USP17L2: variants seen among roughly 807,000 people sequenced by gnomAD.
USP17L2 encodes ubiquitin carboxyl-terminal hydrolase 17.
Under a neutral mutation model 39.8 loss-of-function variants are expected in USP17L2, and 29 were observed. That is an observed-to-expected ratio of 0.73 (90% CI 0.54 to 0.99). The LOEUF (loss-of-function observed/expected upper bound fraction) is 0.99, where lower values mean the gene tolerates loss of function less well. Among genes scored for constraint, USP17L2 ranks in the 50% least tolerant of loss-of-function variants. USP17L2 has a pLI of 0.00. For synonymous variants in USP17L2, 231 were observed against 252.7 expected, an observed-to-expected ratio of 0.91 and a Z score of 0.81; for missense variants, 567 against 647.2, an observed-to-expected ratio of 0.88 and a Z score of 1.35.
rs1161696576 is a variant in USP17L2 at position 12,137,817 on chromosome 8, A to G, written c.944T>C (p.Leu315Pro). Residue 315 changes from leucine to proline, a missense_variant, in exon 1 of 1, where the codon CTT becomes CCT. Around this residue, in one of 6 missense-constraint regions of USP17L2, gnomAD observed 65 missense variants for 84.8 expected, o/e 0.77. Transcript: ENST00000333796. Reference sequence around the variant, plus strand: ...CAGCACAGCATAGAGGACATAGACAAGAGGTCCTGTGTTCTGCTGAGACAT... The same window carrying G: ...CAGCACAGCATAGAGGACATAGACAGGAGGTCCTGTGTTCTGCTGAGACAT... ...PYMSQQNTGP[L>P]VYVLYAVLVH... 2 of 1,473,972 alleles carry G rather than the reference A, an allele frequency of 1.4e-6. No individual in the cohort carries two copies. Among genetic ancestry groups the G allele is most frequent in the Non-Finnish European group, 1.8e-6 (2 of 1,081,546 alleles). The allele number at this position is 1,473,972 out of a possible 1,614,324, so 91.3% of individuals were successfully genotyped here.
chr8:12,138,380 A>G lies in USP17L2; in HGVS notation c.381T>C (p.Thr127=), dbSNP rs367894493. 236 of 1,482,678 alleles carry G rather than the reference A, an allele frequency of 1.6e-4. 5 individuals are homozygous for G. The African/African-American group carries it at 2.7e-3, about 17-fold the overall frequency. 91.8% of individuals were successfully genotyped at this position (1,482,678 alleles called of 1,614,324 possible). Residue 127 remains threonine, a synonymous_variant, in exon 1 of 1, where the codon ACT becomes ACC. Coordinates refer to ENST00000333796, the MANE Select transcript of USP17L2 (RefSeq NM_201402.3). ...CQRPKCCMLC[T]MQAHITWALH... Reference sequence around the variant, plus strand: ...GGGCCCATGTGATGTGAGCTTGCATAGTACAGAGCATGCAGCACTTGGGAC... The same window carrying G: ...GGGCCCATGTGATGTGAGCTTGCATGGTACAGAGCATGCAGCACTTGGGAC...
rs752196507 is a variant in USP17L2, at chr8:12,138,335, G to T, written c.426C>A (p.Val142=). Residue 142 remains valine (V), a synonymous_variant, in exon 1 of 1, where the codon GTC becomes GTA. Coordinates refer to ENST00000333796, the MANE Select transcript of USP17L2 (RefSeq NM_201402.3). The part of the protein sequence containing the change: ...ITWALHSPGH[V]IQPSQALAAG... Reference sequence around the variant, plus strand: ...CAGCCAATGCCTGTGAGGGCTGGATGACATGACCAGGACTGTGGAGGGCCC... The same window carrying T: ...CAGCCAATGCCTGTGAGGGCTGGATTACATGACCAGGACTGTGGAGGGCCC... 1.6e-5 allele frequency: 25 copies of T among 1,520,084 alleles called. 2 individuals are homozygous for T. The highest frequency in any genetic ancestry group is 8.6e-5 in the South Asian group (7 of 81,214). 94.2% of individuals were successfully genotyped at this position (1,520,084 alleles called of 1,614,324 possible). A position where few individuals can be genotyped will look rare whatever the true frequency, so the allele number is the denominator to read the frequency against.
At position 12,137,531 on chromosome 8, in the gene USP17L2, T is replaced by G; in HGVS notation, c.1230A>C (p.Arg410Ser). Residue 410 changes from arginine to serine, a missense_variant, in exon 1 of 1, where the codon AGA becomes AGC. Physicochemically the swap from Arg to Ser is moderately radical, Grantham distance 110. This residue lies in a region of USP17L2 where 304 missense variants were observed against 254.7 expected (regional missense o/e 1.19). Transcript: ENST00000333796. ...CGGGTGCCTGGAGGCAGGGGTGGTCTCTCTTGAGCTCTCCTTGCGTTGCTC... is the reference window on the plus strand; with the variant it reads ...CGGGTGCCTGGAGGCAGGGGTGGTCGCTCTTGAGCTCTCCTTGCGTTGCTC... Reference protein sequence around the residue: ...DRRATQGELKRDHPCLQAPEL... With the variant: ...DRRATQGELKSDHPCLQAPEL... The G allele has an allele frequency of 6.5e-7, 1 of 1,533,046 alleles. No homozygotes were observed. Among genetic ancestry groups the G allele is most frequent in the Non-Finnish European group, 8.8e-7 (1 of 1,135,098 alleles). 95.0% of individuals were successfully genotyped at this position (1,533,046 alleles called of 1,614,324 possible).
chr8:12,138,538 G>A lies in USP17L2; in HGVS notation c.223C>T (p.Pro75Ser), dbSNP rs1176798467. Residue 75 changes from proline (P) to serine (S), a missense_variant, in exon 1 of 1, where the codon CCT becomes TCT. Transcript: ENST00000333796. ...TGGAGCCCAGCCCCCACCGCAGCAG[G>A]TCTCCTGCTACTCAGAGGAAGCTTC... The part of the protein sequence containing the change: ...RKKLPLSSRR[P>S]AAVGAGLQNM... 2.6e-6 allele frequency: 4 copies of A among 1,534,220 alleles called. No homozygotes were observed. The African/African-American group carries it at 4.4e-5, about 17-fold the overall frequency.
chr8:12,136,926 C>T lies in USP17L2; in HGVS notation c.*242G>A, dbSNP rs11777425. On this transcript the variant is annotated 3_prime_UTR_variant, in exon 1 of 1. Coordinates refer to ENST00000333796, the MANE Select transcript of USP17L2 (RefSeq NM_201402.3). ...CACACAGACAGTCTCTCCAGAGGTT[C>T]GGAAGACTCACGACCCCAAAACTTG... is the stretch of plus-strand genomic sequence containing the variant. 0.43 allele frequency among the ~76,000 whole-genome samples: 58,783 copies of T among 136,310 alleles called. 11,939 individuals are homozygous for T. The highest frequency in any genetic ancestry group is 0.5 in the Admixed American group (6,827 of 13,538). The allele number at this position is 136,310 out of a possible 152,430, so 89.4% of individuals were successfully genotyped here.
chr8:12,138,661 G>A lies in USP17L2; in HGVS notation c.100C>T (p.Arg34Trp), dbSNP rs560363673. The A allele has an allele frequency of 1.2e-4, 184 of 1,520,754 alleles. 16 individuals carry two copies. Among genetic ancestry groups the A allele is most frequent in the Middle Eastern group, 9.8e-4 (4 of 4,070 alleles). The allele number at this position is 1,520,754 out of a possible 1,614,324, so 94.2% of individuals were successfully genotyped here. ...GGTGACTTCTCAGGGAGAGAAGTCC[G>A]CTGGATTTCAGCAAAAGCTGCATCT... ...RPDAAFAEIQ[R>W]TSLPEKSPLS... The change falls in exon 1 of 1, where the codon CGG becomes TGG. Residue 34 changes from arginine (R) to tryptophan (W), a missense_variant. By Grantham distance (101) the Arg-to-Trp change is moderately radical. Coordinates refer to ENST00000333796, the MANE Select transcript of USP17L2 (RefSeq NM_201402.3).
chr8:12,138,690 C>A lies in USP17L2; in HGVS notation c.71G>T (p.Arg24Leu), dbSNP rs527934496. The A allele has an allele frequency of 2.0e-6, 3 of 1,476,268 alleles. 1 individual carries two copies. Among genetic ancestry groups the A allele is most frequent in the East Asian group, 5.2e-5 (2 of 38,114 alleles). The allele number at this position is 1,476,268 out of a possible 1,614,324, so 91.4% of individuals were successfully genotyped here. ...FNHFSKLTSSRPDAAFAEIQR... is the reference protein window; with the variant it reads ...FNHFSKLTSSLPDAAFAEIQR... ...GATTTCAGCAAAAGCTGCATCTGGC[C>A]GAGAAGATGTGAGTTTTGAAAAGTG... Residue 24 changes from arginine (R) to leucine (L), a missense_variant, in exon 1 of 1, where the codon CGG becomes CTG. This residue lies in a region of USP17L2 where 120 missense variants were observed against 111.0 expected (regional missense o/e 1.08). Coordinates refer to ENST00000333796, the MANE Select transcript of USP17L2 (RefSeq NM_201402.3).
Position 12,137,473 on chromosome 8 carries a change from G to C in USP17L2, c.1288C>G (p.Gln430Glu), listed in dbSNP as rs760370198. The C allele has an allele frequency of 6.5e-6, 10 of 1,532,614 alleles. No individual in the cohort carries two copies. The highest frequency in any genetic ancestry group is 8.8e-6 in the Non-Finnish European group (10 of 1,135,158). The allele number at this position is 1,532,614 out of a possible 1,614,324, so 94.9% of individuals were successfully genotyped here. A position where few individuals can be genotyped will look rare whatever the true frequency, so the allele number is the denominator to read the frequency against. Residue 430 changes from glutamine (Q) to glutamate (E), a missense_variant, in exon 1 of 1, where the codon CAG becomes GAG. Around this residue, in one of 6 missense-constraint regions of USP17L2, gnomAD observed 304 missense variants for 254.7 expected, o/e 1.19. Transcript: ENST00000333796. ...TTCCAGTGGTCTAAGGTGCTTTCCT[G>C]AGTGGCTCTTTCCACCAAGCGCTCG... Reference protein sequence around the residue: ...LDERLVERATQESTLDHWKFP... With the variant: ...LDERLVERATEESTLDHWKFP...
chr8:12,137,348 G>C, the USP17L2 span: 96 of 1,531,516 alleles, frequency 6.3e-5, 9 homozygotes, highest in Non-Finnish European at 7.7e-5. Flanking sequence ...TCCCACACTT[G>C]TATTTCGATT....
rs1224774648 is a variant in USP17L2, at chr8:12,137,645, G to A, written c.1116C>T (p.Tyr372=). ...VLSQQAYVLF[Y]IQKSEWERHS... ...GTCTTTCCCATTCACTCTTCTGGATGTAAAAGAGGACATAGGCCTGTTGAC... is the reference window on the plus strand; with the variant it reads ...GTCTTTCCCATTCACTCTTCTGGATATAAAAGAGGACATAGGCCTGTTGAC... Residue 372 remains tyrosine (Y), a synonymous_variant, in exon 1 of 1, where the codon TAC becomes TAT. Coordinates refer to ENST00000333796, the MANE Select transcript of USP17L2 (RefSeq NM_201402.3). 2 of 1,527,422 alleles carry A rather than the reference G, an allele frequency of 1.3e-6. No homozygotes were observed. Among genetic ancestry groups the A allele is most frequent in the East Asian group, 2.6e-5 (1 of 38,440 alleles). 94.6% of individuals were successfully genotyped at this position (1,527,422 alleles called of 1,614,324 possible).
Position 12,138,513 on chromosome 8 carries a change from T to C in USP17L2, c.248A>G (p.Gln83Arg), listed in dbSNP as rs373539693. 3,130 of 1,537,408 alleles carry C rather than the reference T, an allele frequency of 2.0e-3. 198 individuals are homozygous for C. In the African/African-American group the frequency reaches 0.038, roughly 19 times the overall value. The change falls in exon 1 of 1, where the codon CAG becomes CGG. Residue 83 changes from glutamine to arginine, a missense_variant. Transcript: ENST00000333796. The stretch of plus-strand genomic sequence containing the variant: ...CTCGTAGCAGGTATTTCCCATATTC[T>C]GGAGCCCAGCCCCCACCGCAGCAGG... ...RRPAAVGAGL[Q>R]NMGNTCYENA...
chr8:12,137,987 G>A lies in USP17L2; in HGVS notation c.774C>T (p.Leu258=). The A allele has an allele frequency of 1.3e-6, 2 of 1,491,960 alleles. No individual in the cohort carries two copies. The highest frequency in any genetic ancestry group is 2.5e-5 in the South Asian group (2 of 80,938). The allele number at this position is 1,491,960 out of a possible 1,614,324, so 92.4% of individuals were successfully genotyped here. Reference sequence around the variant, plus strand: ...ACGTCTTGGAGGCCGGCGCCCTCTGGAGACAAAGACCGCAATGATAGGCAT... The same window carrying A: ...ACGTCTTGGAGGCCGGCGCCCTCTGAAGACAAAGACCGCAATGATAGGCAT... ...GENAYHCGLC[L]QRAPASKTLT... is the part of the protein sequence containing the mutation. The change falls in exon 1 of 1, where the codon CTC becomes CTT. Residue 258 remains leucine, a synonymous_variant. Coordinates refer to ENST00000333796, the MANE Select transcript of USP17L2 (RefSeq NM_201402.3).
chr8:12,137,556 C>G lies in USP17L2; in HGVS notation c.1205G>C (p.Arg402Pro), dbSNP rs267601744. Residue 402 changes from arginine (R) to proline (P), a missense_variant, in exon 1 of 1, where the codon CGA becomes CCA. Physicochemically the swap from Arg to Pro is moderately radical, Grantham distance 103. Around this residue, in one of 6 missense-constraint regions of USP17L2, gnomAD observed 304 missense variants for 254.7 expected, o/e 1.19. Coordinates refer to ENST00000333796, the MANE Select transcript of USP17L2 (RefSeq NM_201402.3). ...RALGAEDTDR[R>P]ATQGELKRDH... Reference sequence around the variant, plus strand: ...TCTCTTGAGCTCTCCTTGCGTTGCTCGCCTGTCTGTGTCTTCAGCGCCGAG... The same window carrying G: ...TCTCTTGAGCTCTCCTTGCGTTGCTGGCCTGTCTGTGTCTTCAGCGCCGAG... 1.2e-4 allele frequency: 187 copies of G among 1,532,468 alleles called. 16 individuals carry two copies. Among genetic ancestry groups the G allele is most frequent in the Middle Eastern group, 5.6e-4 (3 of 5,404 alleles). The allele number at this position is 1,532,468 out of a possible 1,614,324, so 94.9% of individuals were successfully genotyped here.
chr8:12,138,538 G>T lies in USP17L2; in HGVS notation c.223C>A (p.Pro75Thr), dbSNP rs1176798467. The T allele has an allele frequency of 2.6e-6, 4 of 1,534,310 alleles. 1 individual carries two copies. The highest frequency in any genetic ancestry group is 2.4e-5 in the South Asian group (2 of 82,184). Residue 75 changes from proline to threonine, a missense_variant, in exon 1 of 1, where the codon CCT becomes ACT. Pro to Thr is a conservative substitution (Grantham distance 38, BLOSUM62 -1). Around this residue, in one of 6 missense-constraint regions of USP17L2, gnomAD observed 120 missense variants for 111.0 expected, o/e 1.08. Transcript: ENST00000333796. ...RKKLPLSSRR[P>T]AAVGAGLQNM... ...TGGAGCCCAGCCCCCACCGCAGCAG[G>T]TCTCCTGCTACTCAGAGGAAGCTTC...
In USP17L2 at chr8:12,137,545, C is replaced by T. The variant is rs773564016; in HGVS notation, c.1216G>A (p.Gly406Arg). The T allele has an allele frequency of 1.3e-6, 2 of 1,533,184 alleles. 1 individual carries two copies. The highest frequency in any genetic ancestry group is 1.8e-6 in the Non-Finnish European group (2 of 1,135,042). 95.0% of individuals were successfully genotyped at this position (1,533,184 alleles called of 1,614,324 possible). ...AEDTDRRATQ[G>R]ELKRDHPCLQ... ...CAGGGGTGGTCTCTCTTGAGCTCTC[C>T]TTGCGTTGCTCGCCTGTCTGTGTCT... Residue 406 changes from glycine (G) to arginine (R), a missense_variant, in exon 1 of 1, where the codon GGA becomes AGA. Gly to Arg is a moderately radical substitution (Grantham distance 125). This residue lies in a region of USP17L2 where 304 missense variants were observed against 254.7 expected (regional missense o/e 1.19). Coordinates refer to ENST00000333796, the MANE Select transcript of USP17L2 (RefSeq NM_201402.3).
Position 12,137,241 on chromosome 8 carries a change from G to C in USP17L2, c.1520C>G (p.Ser507Cys), listed in dbSNP as rs753663891. 6.5e-7 allele frequency: 1 copy of C among 1,530,454 alleles called. No individual in the cohort carries two copies. Among genetic ancestry groups the C allele is most frequent in the Middle Eastern group, 2.4e-4 (1 of 4,120 alleles). The allele number at this position is 1,530,454 out of a possible 1,614,324, so 94.8% of individuals were successfully genotyped here. A position where few individuals can be genotyped will look rare whatever the true frequency, so the allele number is the denominator to read the frequency against. The change falls in exon 1 of 1, where the codon TCT becomes TGT. Residue 507 changes from serine to cysteine, a missense_variant. This residue lies in a region of USP17L2 where 304 missense variants were observed against 254.7 expected (regional missense o/e 1.19). Coordinates refer to ENST00000333796, the MANE Select transcript of USP17L2 (RefSeq NM_201402.3). ...GGATCTCCTGGTCCTCCCTTGCAGA[G>C]AAGCGAGGGTGCCAGTGTTCACGGA... ...QESVNTGTLA[S>C]LQGRTRRSKG...
chr8:12,137,065 G>C lies in USP17L2; in HGVS notation c.*103C>G. 4 of 1,311,574 alleles carry C rather than the reference G, an allele frequency of 3.0e-6. No individual in the cohort carries two copies. The highest frequency in any genetic ancestry group is 5.5e-5 in the East Asian group (2 of 36,198). The allele number at this position is 1,311,574 out of a possible 1,614,324, so 81.2% of individuals were successfully genotyped here. A position where few individuals can be genotyped will look rare whatever the true frequency, so the allele number is the denominator to read the frequency against. ...ACTTTATGTAGGATTGACGGTGTTC[G>C]TGTTTGTGTGTGTGTGTGTGTTTGC... On this transcript the variant is annotated 3_prime_UTR_variant, in exon 1 of 1. Transcript: ENST00000333796.
chr8:12,137,557 G>A, the USP17L2 span: 427 of 1,532,306 alleles, frequency 2.8e-4, 48 homozygotes, highest in African/African-American at 1.9e-3. Context: ...TGCGTTGCTC[G>A]CCTGTCTGTG....
At position 12,137,429 on chromosome 8, in the gene USP17L2, G is replaced by A. The variant is rs1199591025; in HGVS notation, c.1332C>T (p.Asn444=). The change falls in exon 1 of 1, where the codon AAC becomes AAT. Residue 444 remains asparagine, a synonymous_variant. Transcript: ENST00000333796. ...LDHWKFPQEQ[N]KTKPEFNVRK... ...TGACGTTGAACTCAGGCTTCGTTTT[G>A]TTTTGCTCTTGGGGGAATTTCCAGT... 3.9e-6 allele frequency: 6 copies of A among 1,532,554 alleles called. 1 individual carries two copies. In the East Asian group the frequency reaches 1.3e-4, roughly 33 times the overall value. 94.9% of individuals were successfully genotyped at this position (1,532,554 alleles called of 1,614,324 possible).
Sources: gnomAD v4.1 joint callset for allele counts (sites outside exome capture counted in the v4.1 genomes callset) on GRCh38, gnomAD v4.1.1 for gene constraint, gnomAD v4.1.1 regional missense constraint, MANE v1.5 for transcripts, NCBI Gene and HGNC (gene_info 2026-07-23, HGNC 2026-07-21) for gene names.